Variants in WEE1 observed in about 807,000 individuals in gnomAD.
The protein encoded by WEE1 is WEE1 G2 checkpoint kinase.
Under a neutral mutation model 68.8 loss-of-function variants are expected in WEE1, and 16 were observed. That is an observed-to-expected ratio of 0.23 (90% confidence interval 0.16 to 0.35). The LOEUF (loss-of-function observed/expected upper bound fraction) is 0.35, where lower values mean the gene tolerates loss of function less well. Ranked by LOEUF, WEE1 falls within the 10% of genes least tolerant of loss-of-function variation. The pLI is 1.00. For synonymous variants in WEE1, 349 were observed against 318.7 expected (o/e 1.09, Z -1.01); for missense variants, 651 against 824.1 (o/e 0.79, Z 2.57).
In WEE1 at chr11:9,588,476, AG is replaced by A; in HGVS notation, c.1816del (p.Ala606LeufsTer32). The A allele has an allele frequency of 6.2e-7, 1 of 1,601,100 alleles. No homozygotes were observed. The highest frequency in any genetic ancestry group is 8.5e-7 in the Non-Finnish European group (1 of 1,176,834). On this transcript the variant is annotated frameshift_variant, in exon 11 of 11. Transcript: ENST00000450114. LOFTEE classifies it high-confidence loss of function. Reference sequence around the variant, plus strand: ...AACTCAAGAAAGCACAGATGGCAAAAGCTGCAGCTGAGGAAAGAGCACTCTT... The same window carrying A: ...AACTCAAGAAAGCACAGATGGCAAAACTGCAGCTGAGGAAAGAGCACTCTT... ...KELKKAQMAK[A>X]AAEERALFTD...
At chr11:9,584,012 A>G (rs935754761) in intron 6 of WEE1, among the ~76,000 whole-genome samples, 8 of 146,880 alleles carry the variant, frequency 5.4e-5, no homozygotes, top group African/African-American at 1.8e-4. Context: ...TGCCTAGTTA[A>G]TTTTTGTATT....
At chr11:9,579,682 C>T (rs1849603968) in intron 5 of WEE1, 1 of 152,178 alleles carries the variant, frequency 6.6e-6, no homozygotes, top group Non-Finnish European at 1.5e-5. Flanking sequence ...TTTCTTAGCA[C>T]ATTTGATCTA....
rs770592524 is a variant in WEE1, at chr11:9,581,720, T to C, written c.1288+42T>C. 4.5e-6 allele frequency: 7 copies of C among 1,557,912 alleles called. No homozygotes were observed. The East Asian group carries it at 1.4e-4, about 31-fold the overall frequency. On this transcript the variant is annotated intron_variant, in intron 6 of 10. Transcript: ENST00000450114. ...TTCTGACCTGTGTTCTTTGGGGTTA[T>C]AGAGAATAAATTACTTCATTATGAC...
chr11:9,573,977 C>T lies in WEE1; in HGVS notation c.44C>T (p.Ala15Val), dbSNP rs1849533712. The T allele has an allele frequency of 1.5e-6, 2 of 1,295,066 alleles. No individual in the cohort carries two copies. The highest frequency in any genetic ancestry group is 3.2e-5 in the East Asian group (1 of 31,460). 80.2% of individuals were successfully genotyped at this position (1,295,066 alleles called of 1,614,324 possible). The change falls in exon 1 of 11, where the codon GCC becomes GTC. Residue 15 changes from alanine to valine, a missense_variant. Ala to Val is a moderately conservative substitution (Grantham distance 64). Transcript: ENST00000450114. ...CAGCAGCCGCCGCCACCCCGCCGCGCCGGGGCGGCCTGCACCTTGCGGCAG... is the reference window on the plus strand; with the variant it reads ...CAGCAGCCGCCGCCACCCCGCCGCGTCGGGGCGGCCTGCACCTTGCGGCAG... ...SRQQPPPPRR[A>V]GAACTLRQKL... is the part of the protein sequence containing the mutation.
Position 9,574,602 on chromosome 11 carries a change from C to G in WEE1, c.576+93C>G. The G allele has an allele frequency of 8.9e-7, 1 of 1,124,106 alleles. No individual in the cohort carries two copies. Among genetic ancestry groups the G allele is most frequent in the South Asian group, 4.3e-5 (1 of 23,096 alleles). 69.6% of individuals were successfully genotyped at this position (1,124,106 alleles called of 1,614,324 possible). ...TGGGTTCGGTTACAGAAGCGGCCGG[C>G]CGCTCCCCCCTCGCTTTCCTGCGCC... On this transcript the variant is annotated intron_variant, in intron 1 of 10. Transcript: ENST00000450114. This position sits in a 1 kb window ranked among gnomAD's most constrained non-coding sequence, Gnocchi z 4.9.
chr11:9,575,273 G>C, intron 1 of WEE1: 2 of 986,536 alleles, frequency 2.0e-6, no homozygotes, highest in Non-Finnish European at 2.4e-6. Flanking sequence ...CGAGTACTGC[G>C]CAGATGACCA....
intron 6 of WEE1, among the ~76,000 whole-genome samples, chr11:9,583,642 A>G (rs573851062): frequency 6.7e-6 from 1 of 149,678 alleles, no homozygotes; most frequent in East Asian, 2.0e-4. Context: ...CTTCCAATTT[A>G]CAAATACCAT....
At chr11:9,586,401 AT>A (rs1481236096) in intron 8 of WEE1, 47 bp from the exon 9 acceptor site, 1 of 1,542,798 alleles carries the variant, frequency 6.5e-7, no homozygotes, top group African/African-American at 1.4e-5. Flanking sequence ...ATCTTGTTTT[AT>A]TTTGACCATG....
intron 5 of WEE1, chr11:9,578,165 A>T (rs955586926): frequency 3.6e-6 from 1 of 277,438 alleles, no homozygotes; most frequent in African/African-American, 2.3e-5. Context: ...CTATTTCTGT[A>T]TATCTTCTGT....
Position 9,573,822 on chromosome 11 carries a change from G to C in WEE1, c.-112G>C. On this transcript the variant is annotated 5_prime_UTR_variant, in exon 1 of 11. Transcript: ENST00000450114. Reference sequence around the variant, plus strand: ...GCCGCCGCCGCGCAGAGACGCCGCGGCTGCGACTAGGCGCGCCCAGCCGCA... The same window carrying C: ...GCCGCCGCCGCGCAGAGACGCCGCGCCTGCGACTAGGCGCGCCCAGCCGCA... 1.1e-6 allele frequency: 1 copy of C among 927,462 alleles called. No individual in the cohort carries two copies. Among genetic ancestry groups the C allele is most frequent in the Non-Finnish European group, 1.4e-6 (1 of 730,602 alleles). 57.5% of individuals were successfully genotyped at this position (927,462 alleles called of 1,614,324 possible).
At chr11:9,575,471 CA>C in intron 1 of WEE1, 1 of 936,962 alleles carries the variant, frequency 1.1e-6, no homozygotes, top group South Asian at 3.7e-5. Context: ...TTGCTCAAGG[CA>C]AAATCCCTCT....
In WEE1 at chr11:9,573,894, C is replaced by T; in HGVS notation, c.-40C>T. 1 of 1,223,526 alleles carries T rather than the reference C, an allele frequency of 8.2e-7. No individual in the cohort carries two copies. Among genetic ancestry groups the T allele is most frequent in the Non-Finnish European group, 1.0e-6 (1 of 981,594 alleles). 75.8% of individuals were successfully genotyped at this position (1,223,526 alleles called of 1,614,324 possible). On this transcript the variant is annotated 5_prime_UTR_variant, in exon 1 of 11. Transcript: ENST00000450114. Reference sequence around the variant, plus strand: ...CCCGCAGTGTCCTGGACCCCGCAGGCCTCCGCTCTCCTGTCCTCGGCCCCG... The same window carrying T: ...CCCGCAGTGTCCTGGACCCCGCAGGTCTCCGCTCTCCTGTCCTCGGCCCCG...
rs929081168 is a variant in WEE1 at position 9,576,010 on chromosome 11, G to A, written c.699G>A (p.Val233=). ...REFDVRQTPQ[V]NINPFTPDSL... is the part of the protein sequence containing the mutation. ...TTGATGTGCGACAGACTCCTCAAGT[G>A]AATATTAATCCTTTTACTCCGGATT... The change falls in exon 2 of 11, where the codon GTG becomes GTA. Residue 233 remains valine (V), a synonymous_variant. Coordinates refer to ENST00000450114, the MANE Select transcript of WEE1 (RefSeq NM_003390.4). This position sits in a 1 kb window ranked among gnomAD's most constrained non-coding sequence, Gnocchi z 4.3. 6.2e-7 allele frequency: 1 copy of A among 1,614,156 alleles called. No homozygotes were observed. The highest frequency in any genetic ancestry group is 1.3e-5 in the African/African-American group (1 of 75,036).
intron 5 of WEE1, 129 bp downstream of exon 5, chr11:9,577,392 CAT>C (rs1305947442): frequency 3.3e-6 from 4 of 1,216,076 alleles, no homozygotes; most frequent in Non-Finnish European, 3.4e-6. Context: ...AGAGACCTAA[CAT>C]AAATTTCAAG....
chr11:9,574,032 T>TGAG lies in WEE1; in HGVS notation c.108_110dup (p.Glu43dup). The stretch of plus-strand genomic sequence containing the variant: ...TGATCTTCTCGCCCTGCAGCGACTG[T>TGAG]GAGGAGGAGGAAGAAGAGGAGGAGG... On this transcript the variant is annotated inframe_insertion, in exon 1 of 11. Transcript: ENST00000450114. The surrounding 1 kb of genome is among the most constrained non-coding windows in gnomAD (Gnocchi z 4.9). The TGAG allele has an allele frequency of 7.9e-7, 1 of 1,264,780 alleles. No individual in the cohort carries two copies. Among genetic ancestry groups the TGAG allele is most frequent in the Non-Finnish European group, 1.0e-6 (1 of 1,004,394 alleles). 78.3% of individuals were successfully genotyped at this position (1,264,780 alleles called of 1,614,324 possible).
Position 9,574,456 on chromosome 11 carries a change from C to T in WEE1, c.523C>T (p.Pro175Ser). The change falls in exon 1 of 11, where the codon CCA becomes TCA. Residue 175 changes from proline (P) to serine (S), a missense_variant. By Grantham distance (74) the Pro-to-Ser change is moderately conservative. This residue lies in a region of WEE1 where 395 missense variants were observed against 378.4 expected (regional missense o/e 1.04). Coordinates refer to ENST00000450114, the MANE Select transcript of WEE1 (RefSeq NM_003390.4). This position sits in a 1 kb window ranked among gnomAD's most constrained non-coding sequence, Gnocchi z 4.9. ...GCGGCCGGACCACCCGGGCACCCCG[C>T]CACACAAGACCTTCCGCAAGCTGCG... ...SPRPDHPGTP[P>S]HKTFRKLRLF... is the part of the protein sequence containing the mutation. The T allele has an allele frequency of 8.0e-7, 1 of 1,244,018 alleles. No homozygotes were observed. The highest frequency in any genetic ancestry group is 1.0e-6 in the Non-Finnish European group (1 of 996,394). 77.1% of individuals were successfully genotyped at this position (1,244,018 alleles called of 1,614,324 possible).
At position 9,573,799 on chromosome 11, in the gene WEE1, C is replaced by G; in HGVS notation, c.-135C>G. ...GCCCGAGCGCCCCGGAGCCGCAGGC[C>G]GCCGCCGCGCAGAGACGCCGCGGCT... On this transcript the variant is annotated 5_prime_UTR_variant, in exon 1 of 11. Transcript: ENST00000450114. 1.4e-6 allele frequency: 1 copy of G among 727,566 alleles called. No homozygotes were observed. The allele number at this position is 727,566 out of a possible 1,614,324, so 45.1% of individuals were successfully genotyped here.
intron 5 of WEE1, 93 bp from the exon 6 acceptor site, chr11:9,581,439 T>C: frequency 2.5e-6 from 3 of 1,213,038 alleles, no homozygotes; most frequent in Non-Finnish European, 3.4e-6. Flanking sequence ...ACTTTCTTGG[T>C]TGAGATTGGT....
intron 5 of WEE1, chr11:9,578,308 A>G (rs977119354): frequency 3.1e-5 from 5 of 162,880 alleles, no homozygotes; most frequent in African/African-American, 1.2e-4. Context: ...TGGTGTAGGT[A>G]TGGATTCAGG....
Sources: allele counts gnomAD v4.1 joint callset (sites outside exome capture counted in the v4.1 genomes callset), GRCh38; gene constraint gnomAD v4.1.1; regional missense constraint gnomAD v4.1.1; non-coding constraint Gnocchi (gnomAD v3.1); transcripts MANE v1.5; gene names NCBI Gene and HGNC (gene_info 2026-07-23, HGNC 2026-07-21).